Variants in DLG2 observed in about 807,000 individuals in gnomAD.
DLG2 encodes the protein discs large MAGUK scaffold protein 2.
DLG2 carries 45 observed loss-of-function variants against 132.5 expected under a neutral mutation model. The ratio of observed to expected loss-of-function variants is 0.34; its 90% confidence interval spans 0.27 to 0.44. The LOEUF is 0.44. Among genes scored for constraint, DLG2 ranks in the 20% least tolerant of loss-of-function variants. The pLI, the probability that DLG2 is intolerant of heterozygous loss-of-function variation, is 1.00. For missense variants in DLG2, 1,045 were observed against 1,196.9 expected, an observed-to-expected ratio of 0.87 and a Z score of 1.87; for synonymous variants, 424 against 419.6, an observed-to-expected ratio of 1.01 and a Z score of -0.13.
chr11:83,755,593 T>C (rs1022984718), intron 18 of DLG2, among the ~76,000 whole-genome samples: 1 of 151,438 alleles, frequency 6.6e-6, no homozygotes, highest in Non-Finnish European at 1.5e-5. Context: ...ATTGATTAGA[T>C]AGAGTAATGG....
intron 7 of DLG2, among the ~76,000 whole-genome samples, chr11:84,291,830 C>T (rs116149132): frequency 2.6e-4 from 40 of 152,260 alleles, no homozygotes; most frequent in African/African-American, 8.2e-4. Context: ...TAAGTTAATA[C>T]GAATAAATTT....
At chr11:84,693,237 A>G (rs537395976) in intron 6 of DLG2, among the ~76,000 whole-genome samples, 2 of 151,840 alleles carry the variant, frequency 1.3e-5, no homozygotes, top group Non-Finnish European at 2.9e-5. Flanking sequence ...TTGTAGGCTT[A>G]TAACATTAGA....
chr11:83,978,000 C>G (rs562813355), intron 12 of DLG2, among the ~76,000 whole-genome samples: 1 of 152,098 alleles, frequency 6.6e-6, no homozygotes, highest in East Asian at 1.9e-4. Context: ...TTTCACAAAA[C>G]CAGGCAGAGA....
chr11:85,390,763 T>C (rs1343817309), intron 3 of DLG2, among the ~76,000 whole-genome samples: 1 of 151,936 alleles, frequency 6.6e-6, no homozygotes, highest in African/African-American at 2.4e-5. Context: ...TCAAAACCTA[T>C]CAAAACCTCT....
At chr11:85,336,859 A>G (rs559219140) in intron 3 of DLG2, among the ~76,000 whole-genome samples, 17 of 152,330 alleles carry the variant, frequency 1.1e-4, no homozygotes, top group Non-Finnish European at 1.8e-4. Context: ...AAAATTAACC[A>G]TCAATCCATT....
At chr11:83,828,598 C>A (rs7940084) in intron 17 of DLG2, among the ~76,000 whole-genome samples, 4,342 of 152,246 alleles carry the variant, frequency 0.029, 222 homozygotes, top group African/African-American at 0.099. Flanking sequence ...ACAGTAGCAA[C>A]CTATTACAAT....
chr11:84,964,111 CTTCATTAT>C (rs989071237), intron 6 of DLG2, among the ~76,000 whole-genome samples: 1 of 151,984 alleles, frequency 6.6e-6, no homozygotes, highest in African/African-American at 2.4e-5. Context: ...GGCAGCCTAA[CTTCATTAT>C]TAATTTACGA....
chr11:84,989,414 G>A (rs1166186981), intron 6 of DLG2, among the ~76,000 whole-genome samples: 3 of 152,048 alleles, frequency 2.0e-5, no homozygotes, highest in Admixed American at 1.3e-4. Context: ...GACCTCAGGC[G>A]ATCCACCCAC....
intron 4 of DLG2, among the ~76,000 whole-genome samples, chr11:85,263,287 C>G (rs575359494): frequency 6.6e-6 from 1 of 152,292 alleles, no homozygotes; most frequent in Non-Finnish European, 1.5e-5. Flanking sequence ...TTTGAGATCA[C>G]CTGGCTTAAA....
intron 4 of DLG2, among the ~76,000 whole-genome samples, chr11:85,222,698 T>C (rs2074728746): frequency 6.6e-6 from 1 of 152,224 alleles, no homozygotes; most frequent in African/African-American, 2.4e-5. Context: ...GCTATGTTTG[T>C]TCTTGAGATA....
intron 3 of DLG2, among the ~76,000 whole-genome samples, chr11:85,289,107 G>A (rs2078736059): frequency 6.6e-6 from 1 of 152,000 alleles, no homozygotes; most frequent in Admixed American, 6.6e-5. Flanking sequence ...CATGCCTTAA[G>A]CAACTACTAG....
chr11:84,090,266 T>C (rs776881036), intron 10 of DLG2, among the ~76,000 whole-genome samples: 1 of 151,684 alleles, frequency 6.6e-6, no homozygotes, highest in Non-Finnish European at 1.5e-5. Flanking sequence ...ATGCAAAAAT[T>C]AGCTGGGCGT....
At chr11:85,039,270 C>G (rs865910997) in intron 6 of DLG2, among the ~76,000 whole-genome samples, 4 of 151,910 alleles carry the variant, frequency 2.6e-5, no homozygotes, top group African/African-American at 9.7e-5. Context: ...CAAGTTCTAC[C>G]CAAATGTCAT....
chr11:84,173,016 A>G (rs1201985994), intron 8 of DLG2, among the ~76,000 whole-genome samples: 11 of 152,190 alleles, frequency 7.2e-5, no homozygotes, highest in Non-Finnish European at 7.3e-5. Context: ...ATAAAATTAT[A>G]ATAATTTTTA....
At chr11:84,307,695 CAAAAAAAAA>C (rs1222486667) in intron 7 of DLG2, among the ~76,000 whole-genome samples, 24 of 77,992 alleles carry the variant, frequency 3.1e-4, no homozygotes, top group Non-Finnish European at 3.9e-4. Context: ...GACGCAGTCT[CAAAAAAAAA>C]AAAAAAAAAA....
At chr11:84,060,279 T>C (rs1442761444) in intron 10 of DLG2, among the ~76,000 whole-genome samples, 1 of 152,020 alleles carries the variant, frequency 6.6e-6, no homozygotes, top group Non-Finnish European at 1.5e-5. Context: ...GCCACTATAC[T>C]CCAGCCTGGG....
intron 7 of DLG2, among the ~76,000 whole-genome samples, chr11:84,442,767 G>C (rs1361494572): frequency 6.6e-6 from 1 of 151,850 alleles, no homozygotes; most frequent in Non-Finnish European, 1.5e-5. Flanking sequence ...TGTTACAAAT[G>C]TATGATGCTC....
intron 7 of DLG2, among the ~76,000 whole-genome samples, chr11:84,260,916 T>TAGCTC (rs1238024570): frequency 1.3e-5 from 2 of 152,190 alleles, no homozygotes; most frequent in Non-Finnish European, 2.9e-5. Flanking sequence ...ATGGAGTCAA[T>TAGCTC]AGCTCAAATC....
intron 6 of DLG2, among the ~76,000 whole-genome samples, chr11:84,680,219 A>G (rs2099725267): frequency 6.6e-6 from 1 of 152,078 alleles, no homozygotes; most frequent in Admixed American, 6.6e-5. Flanking sequence ...CACTCCAATC[A>G]TCTTCAAAGC....
Sources: gnomAD v4.1 joint callset for allele counts (sites outside exome capture counted in the v4.1 genomes callset) on GRCh38, gnomAD v4.1.1 for gene constraint, MANE v1.5 for transcripts, NCBI Gene and HGNC (gene_info 2026-07-23, HGNC 2026-07-21) for gene names.